OR3A2: variants seen among roughly 807,000 people sequenced by gnomAD.
OR3A2 encodes olfactory receptor 3A2.
For missense variants in OR3A2, 318 were observed against 392.8 expected (o/e 0.81, Z 1.61); for synonymous variants, 126 against 159.3 (o/e 0.79, Z 1.57).
chr17:3,315,124 T>C (rs967028789), intron 3 of OR3A2, among the ~76,000 whole-genome samples: 1 of 152,224 alleles, frequency 6.6e-6, no homozygotes, highest in African/African-American at 2.4e-5. Flanking sequence ...TCTTTGCTAT[T>C]GTGAATAGCT....
At chr17:3,363,116 CA>C (rs755805947) in intron 2 of OR3A2, among the ~76,000 whole-genome samples, 1 of 151,822 alleles carries the variant, frequency 6.6e-6, no homozygotes, top group Non-Finnish European at 1.5e-5. Context: ...ACATTTTCCC[CA>C]TTGTCTTGGC....
chr17:3,322,916 C>G (rs2049137265), intron 3 of OR3A2, among the ~76,000 whole-genome samples: 1 of 152,096 alleles, frequency 6.6e-6, no homozygotes, highest in Admixed American at 6.6e-5. Flanking sequence ...AGTTCAATTC[C>G]TGGACATCCT....
At chr17:3,383,395 T>C (rs1486273705) in intron 2 of OR3A2, among the ~76,000 whole-genome samples, 1 of 152,164 alleles carries the variant, frequency 6.6e-6, no homozygotes, top group African/African-American at 2.4e-5. Context: ...CTGCTACACT[T>C]CTGTATGTGC....
chr17:3,296,544 TATTA>T (rs1317709639), intron 3 of OR3A2, among the ~76,000 whole-genome samples: 3 of 152,166 alleles, frequency 2.0e-5, no homozygotes, highest in African/African-American at 7.2e-5. Context: ...TTAAATTTTT[TATTA>T]ATTCAATCAA....
intron 3 of OR3A2, among the ~76,000 whole-genome samples, chr17:3,307,707 G>A (rs73977664): frequency 0.023 from 3,515 of 152,272 alleles, 144 homozygotes; most frequent in African/African-American, 0.079. Context: ...GCTTGACTGA[G>A]ACTAGAAGAG....
chr17:3,338,769 C>T (rs1209435818), intron 2 of OR3A2, among the ~76,000 whole-genome samples: 1 of 152,110 alleles, frequency 6.6e-6, no homozygotes, highest in Non-Finnish European at 1.5e-5. Context: ...TTTTTGGTTC[C>T]ATATGAACTT....
chr17:3,328,702 G>C (rs1448981639), intron 3 of OR3A2, among the ~76,000 whole-genome samples: 1 of 147,908 alleles, frequency 6.8e-6, no homozygotes, highest in Non-Finnish European at 1.5e-5. Context: ...GTTTGTCATA[G>C]ATAGCTCTTA....
chr17:3,308,967 G>T (rs534630299), intron 3 of OR3A2, among the ~76,000 whole-genome samples: 1 of 152,076 alleles, frequency 6.6e-6, no homozygotes, highest in South Asian at 2.1e-4. Flanking sequence ...GTACAGTGGC[G>T]CTGTCTCAGC....
Position 3,278,560 on chromosome 17 carries a change from C to T in OR3A2, c.358G>A (p.Ala120Thr), listed in dbSNP as rs201534646. 1,379 of 1,611,286 alleles carry T rather than the reference C, an allele frequency of 8.6e-4. 8 individuals carry two copies. In the African/African-American group the frequency reaches 0.017, roughly 19 times the overall value. ...GCCAGGAGTCGGTCATAGGCCATGG[C>T]GGTCAGCAGGAAGCAGTCCATCCCA... Residue 120 changes from alanine to threonine, a missense_variant, in exon 2 of 2, where the codon GCC (alanine) becomes ACC (threonine). Physicochemically the swap from Ala to Thr is moderately conservative, Grantham distance 58. Coordinates refer to ENST00000642052, the Ensembl canonical transcript of OR3A2.
In OR3A2 at chr17:3,329,362, A is replaced by G. The variant is rs1421642797; in HGVS notation, c.-85+6671T>C. On this transcript the variant is annotated intron_variant, in intron 3 of 4. Coordinates refer to the OR3A2 transcript ENST00000573491. ...GTCCTGGACTCTTTTTGGTTGGTAAACTATTGATTATTGCCACAATTTCAG... is the reference window on the plus strand; with the variant it reads ...GTCCTGGACTCTTTTTGGTTGGTAAGCTATTGATTATTGCCACAATTTCAG... 3.8e-3 allele frequency among the ~76,000 whole-genome samples: 561 copies of G among 149,240 alleles called. 9 individuals carry two copies. Among genetic ancestry groups the G allele is most frequent in the African/African-American group, 0.013 (532 of 40,506 alleles).
In OR3A2 at chr17:3,278,530, A is replaced by G. The variant is rs541907330; in HGVS notation, c.388T>C (p.Cys130Arg). Residue 130 changes from cysteine to arginine, a missense_variant, in exon 2 of 2, where the codon TGC becomes CGC. Physicochemically the swap from Cys to Arg is radical, Grantham distance 180. Coordinates refer to ENST00000642052, the Ensembl canonical transcript of OR3A2. ...CGGGTGCTGTAGGTGAGGGGCTGGC[A>G]GATGGCCAGGAGTCGGTCATAGGCC... The G allele has an allele frequency of 1.9e-6, 3 of 1,613,696 alleles. No individual in the cohort carries two copies. In the African/African-American group the frequency reaches 4.0e-5, roughly 22 times the overall value.
At chr17:3,284,540 A>AAAC (rs1468412345), upstream of OR3A2, 1 of 150,088 alleles carries the variant, frequency 6.7e-6, no homozygotes, top group East Asian at 1.9e-4. Flanking sequence ...GGGCACTCAG[A>AAAC]AACTGGCTCT....
chr17:3,314,194 A>G (rs1205934770), intron 3 of OR3A2, among the ~76,000 whole-genome samples: 1 of 152,224 alleles, frequency 6.6e-6, no homozygotes, highest in East Asian at 1.9e-4. Flanking sequence ...AGAGCATTTA[A>G]TTAGCAAAAT....
intron 1 of OR3A2, among the ~76,000 whole-genome samples, chr17:3,281,930 T>C (rs73977613): frequency 0.015 from 2,335 of 152,178 alleles, 67 homozygotes; most frequent in African/African-American, 0.053. Flanking sequence ...GTATGGGTGT[T>C]TCCTTAGCGC....
chr17:3,328,372 G>T (rs2049195574), intron 3 of OR3A2, among the ~76,000 whole-genome samples: 1 of 71,704 alleles, frequency 1.4e-5, no homozygotes, highest in Non-Finnish European at 2.5e-5. Context: ...TGTTGTTGGT[G>T]TATAAGAATG....
Position 3,353,111 on chromosome 17 carries a change from A to G in OR3A2, c.-178-16985T>C, listed in dbSNP as rs537227549. On this transcript the variant is annotated intron_variant, in intron 2 of 4. Coordinates refer to the OR3A2 transcript ENST00000573491. ...TCCTGCAACTTTACTGAATTTGCTT[A>G]TAAGTTCTTTTTTTTTTTTTGAAGG... Among the ~76,000 whole-genome samples the G allele has an allele frequency of 5.4e-4, 61 of 113,804 alleles. No individual in the cohort carries two copies. In the South Asian group the frequency reaches 0.01, roughly 19 times the overall value. The allele number at this position is 113,804 out of a possible 152,430, so 74.7% of individuals were successfully genotyped here. A position where few individuals can be genotyped will look rare whatever the true frequency, so the allele number is the denominator to read the frequency against.
At chr17:3,292,139 C>T (rs754828602) in intron 3 of OR3A2, 4 of 1,614,158 alleles carry the variant, frequency 2.5e-6, no homozygotes, top group South Asian at 1.1e-5. Flanking sequence ...AGGACGCAGC[C>T]ACCAACATCC....
chr17:3,306,200 G>A (rs1244625681), intron 3 of OR3A2, among the ~76,000 whole-genome samples: 1 of 152,100 alleles, frequency 6.6e-6, no homozygotes, highest in South Asian at 2.1e-4. Flanking sequence ...TACCCAGGCC[G>A]AAATTCTATG....
chr17:3,310,665 A>G, intron 3 of OR3A2: 1 of 543,416 alleles, frequency 1.8e-6, no homozygotes. Context: ...CTTCTTGCTG[A>G]CCATCATGGC....
Sources: allele counts gnomAD v4.1 joint callset (sites outside exome capture counted in the v4.1 genomes callset), GRCh38; gene constraint gnomAD v4.1.1; transcripts MANE v1.5; gene names NCBI Gene and HGNC (gene_info 2026-07-23, HGNC 2026-07-21).